Variants in UBA2 observed in about 807,000 individuals in gnomAD.
UBA2 encodes the protein SUMO-activating enzyme subunit 2.
UBA2 carries 11 observed loss-of-function variants against 77.2 expected under a neutral mutation model. The ratio of observed to expected loss-of-function variants is 0.14; its 90% CI spans 0.09 to 0.24. The LOEUF (loss-of-function observed/expected upper bound fraction) is 0.24, where lower values mean the gene tolerates loss of function less well. Ranked by LOEUF, UBA2 falls within the 10% of genes least tolerant of loss-of-function variation. The pLI is 1.00. For missense variants in UBA2, 487 were observed against 781.7 expected (o/e 0.62, Z 4.50); for synonymous variants, 278 against 276.7 (o/e 1.00, Z -0.05).
chr19:34,469,260 T>G lies in UBA2; in HGVS notation c.*39T>G, dbSNP rs2075717141. The G allele has an allele frequency of 6.7e-7, 1 of 1,495,590 alleles. No homozygotes were observed. Among genetic ancestry groups the G allele is most frequent in the African/African-American group, 1.4e-5 (1 of 70,540 alleles). The allele number at this position is 1,495,590 out of a possible 1,614,324, so 92.6% of individuals were successfully genotyped here. A position where few individuals can be genotyped will look rare whatever the true frequency, so the allele number is the denominator to read the frequency against. Reference sequence around the variant, plus strand: ...TAAACAGAACCCTCTTACTATTTAGTTTATCTGGGCAGAACCAGATTGTTA... The same window carrying G: ...TAAACAGAACCCTCTTACTATTTAGGTTATCTGGGCAGAACCAGATTGTTA... On this transcript the variant is annotated 3_prime_UTR_variant, in exon 17 of 17. Transcript: ENST00000246548.
intron 5 of UBA2, among the ~76,000 whole-genome samples, chr19:34,435,204 C>T (rs2075295714): frequency 6.6e-6 from 1 of 152,000 alleles, no homozygotes; most frequent in Non-Finnish European, 1.5e-5. Context: ...TTGAGACCAG[C>T]CTGGCAAGCA....
chr19:34,463,750 G>A (rs1032434689), intron 14 of UBA2, among the ~76,000 whole-genome samples: 1 of 152,110 alleles, frequency 6.6e-6, no homozygotes, highest in African/African-American at 2.4e-5. Context: ...TTATAGATGT[G>A]AGCTACTGTG....
chr19:34,457,893 T>G (rs117605109), intron 12 of UBA2, among the ~76,000 whole-genome samples: 2,219 of 152,316 alleles, frequency 0.015, 24 homozygotes, highest in South Asian at 0.025. Context: ...TTAATTATTT[T>G]TTTGTTTAGT....
intron 7 of UBA2, among the ~76,000 whole-genome samples, chr19:34,444,318 A>G (rs1045281453): frequency 6.6e-6 from 1 of 152,060 alleles, no homozygotes; most frequent in African/African-American, 2.4e-5. Flanking sequence ...TTGGCCTCCC[A>G]AAGTGCTGGG....
chr19:34,439,053 C>CA (rs1653635612), intron 6 of UBA2, among the ~76,000 whole-genome samples: 1 of 151,896 alleles, frequency 6.6e-6, no homozygotes, highest in Admixed American at 6.6e-5. Context: ...ACTAAAAATA[C>CA]AAAAATTAGT....
chr19:34,441,149 A>G (rs771123853), intron 6 of UBA2, among the ~76,000 whole-genome samples: 44 of 152,264 alleles, frequency 2.9e-4, no homozygotes, highest in Non-Finnish European at 5.1e-4. Context: ...GAAAGTTTCT[A>G]CTAAAACAGA....
intron 1 of UBA2, chr19:34,429,098 C>T (rs1166135665): frequency 2.0e-6 from 2 of 983,560 alleles, no homozygotes; most frequent in African/African-American, 1.8e-5. Context: ...GCTATTTCCA[C>T]CCTGCTTTAT....
chr19:34,431,244 C>CTTTT (rs1184297228), intron 2 of UBA2, among the ~76,000 whole-genome samples: 4,382 of 69,328 alleles, frequency 0.063, 712 homozygotes, highest in East Asian at 0.41. Context: ...ATTTTCTTTT[C>CTTTT]TTTTTTTTTT....
At chr19:34,463,974 G>T in intron 14 of UBA2, 52 bp from the exon 15 acceptor site, 2 of 1,308,226 alleles carry the variant, frequency 1.5e-6, no homozygotes, top group African/African-American at 1.5e-5. Flanking sequence ...AAATCAACCT[G>T]ACTGCTCTAT....
At chr19:34,432,149 G>T in intron 3 of UBA2, 1 of 341,780 alleles carries the variant, frequency 2.9e-6, no homozygotes, top group South Asian at 1.0e-4. Flanking sequence ...TAATAAATAA[G>T]TTACTTGGAA....
intron 1 of UBA2, 196 bp downstream of exon 1, chr19:34,428,766 C>T (rs2075216915): frequency 1.8e-6 from 2 of 1,139,826 alleles, no homozygotes; most frequent in East Asian, 3.4e-5. Flanking sequence ...GGGCGGGCCT[C>T]CGCTCGCTGG....
intron 2 of UBA2, among the ~76,000 whole-genome samples, chr19:34,431,251 T>C (rs989617075): frequency 7.5e-6 from 1 of 133,596 alleles, no homozygotes; most frequent in Non-Finnish European, 1.6e-5. Flanking sequence ...TTTCTTTTTT[T>C]TTTTTTTTTT....
At position 34,471,251 on chromosome 19, in the gene UBA2, A is replaced by T. The variant is rs1481299624; in HGVS notation, c.*2030A>T. ...CAACTAAATTTTAAATTTCTAATTC[A>T]TGTATTGTTCCTTGTGTAATTTGTA... On this transcript the variant is annotated 3_prime_UTR_variant, in exon 17 of 17. Coordinates refer to ENST00000246548, the MANE Select transcript of UBA2 (RefSeq NM_005499.3). 3 of 152,144 alleles carry T rather than the reference A, an allele frequency of 2.0e-5. No homozygotes were observed. Among genetic ancestry groups the T allele is most frequent in the Non-Finnish European group, 2.9e-5 (2 of 68,032 alleles). 9.4% of individuals were successfully genotyped at this position (152,144 alleles called of 1,614,324 possible).
Position 34,450,251 on chromosome 19 carries a change from C to CT in UBA2, c.772-11dup. 6.3e-7 allele frequency: 1 copy of CT among 1,592,928 alleles called. No homozygotes were observed. On this transcript the variant is annotated splice_polypyrimidine_tract_variant and intron_variant, in intron 8 of 16. Coordinates refer to ENST00000246548, the MANE Select transcript of UBA2 (RefSeq NM_005499.3). The stretch of plus-strand genomic sequence containing the variant: ...GGATTATGGGGTTCATGGGATCTGT[C>CT]TTTCTTTTGTAAGCTTTTTAAAGAT...
chr19:34,452,061 T>A lies in UBA2; in HGVS notation c.952T>A (p.Tyr318Asn). The change falls in exon 10 of 17, where the codon TAT (tyrosine) becomes AAT (asparagine). Residue 318 changes from tyrosine to asparagine, a missense_variant. Tyr to Asn is a moderately radical substitution (Grantham distance 143). Transcript: ENST00000246548. Reference sequence around the variant, plus strand: ...CCAGCAGGTTCTAGATGTAAAGAGCTATGCACGTCTTTTTTCAAAGAGCAT... The same window carrying A: ...CCAGCAGGTTCTAGATGTAAAGAGCAATGCACGTCTTTTTTCAAAGAGCAT... ...KDQQVLDVKS[Y>N]ARLFSKSIET... The A allele has an allele frequency of 1.2e-6, 2 of 1,611,946 alleles. No individual in the cohort carries two copies. Among genetic ancestry groups the A allele is most frequent in the Non-Finnish European group, 1.7e-6 (2 of 1,178,406 alleles).
intron 1 of UBA2, chr19:34,429,059 C>T: frequency 1.0e-6 from 1 of 985,336 alleles, no homozygotes; most frequent in Non-Finnish European, 1.2e-6. Context: ...GAACGCGCAC[C>T]ATCTTCATAC....
intron 6 of UBA2, 118 bp downstream of exon 6, chr19:34,438,884 C>A: frequency 7.6e-7 from 1 of 1,315,494 alleles, no homozygotes; most frequent in Non-Finnish European, 1.0e-6. Context: ...TGAAGGGATG[C>A]TTTAGTAGCT....
chr19:34,460,920 C>G (rs868078078), intron 14 of UBA2, among the ~76,000 whole-genome samples: 1 of 152,100 alleles, frequency 6.6e-6, no homozygotes, highest in African/African-American at 2.4e-5. Flanking sequence ...AGTGGGGAAG[C>G]CTTGGTAGCC....
At position 34,435,307 on chromosome 19, in the gene UBA2, C is replaced by T. The variant is rs550683560; in HGVS notation, c.459+339C>T. ...CAGCTACTTGGGAGGCTGAGCCAGG[C>T]GAATCACTTGAACCTGAGAGGCAGA... On this transcript the variant is annotated intron_variant, in intron 5 of 16. Transcript: ENST00000246548. Among the ~76,000 whole-genome samples, 10 of 152,072 alleles carry T rather than the reference C, an allele frequency of 6.6e-5. No individual in the cohort carries two copies. In the East Asian group the frequency reaches 7.8e-4, roughly 12 times the overall value.
Sources: allele counts gnomAD v4.1 joint callset (sites outside exome capture counted in the v4.1 genomes callset), GRCh38; gene constraint gnomAD v4.1.1; transcripts MANE v1.5; gene names NCBI Gene and HGNC (gene_info 2026-07-23, HGNC 2026-07-21).